The following NRXN3 variants were observed in gnomAD, a reference collection of about 807,000 sequenced individuals.
NRXN3 encodes neurexin 3.
A neutral mutation model predicts 137.6 loss-of-function variants in NRXN3; 32 were observed. The observed-to-expected ratio is 0.23, with a 90% CI of 0.18 to 0.31. The LOEUF is 0.31. NRXN3 is among the 10% of genes least tolerant of loss of function. The pLI is 1.00. For missense variants in NRXN3, 1,574 were observed against 2,062.5 expected (o/e 0.76, Z 4.59); for synonymous variants, 798 against 784.5 (o/e 1.02, Z -0.29).
intron 15 of NRXN3, among the ~76,000 whole-genome samples, chr14:79,208,402 T>C (rs1284638228): frequency 6.6e-6 from 1 of 152,186 alleles, no homozygotes; most frequent in Admixed American, 6.5e-5. Context: ...TACCCCAATT[T>C]TTTATTTTCT....
At chr14:78,814,664 G>T (rs886477344) in intron 10 of NRXN3, among the ~76,000 whole-genome samples, 1 of 152,090 alleles carries the variant, frequency 6.6e-6, no homozygotes, top group Non-Finnish European at 1.5e-5. Flanking sequence ...GTTTTCTGGA[G>T]AATTTCTGGA....
At chr14:78,895,699 C>T (rs2099171492) in intron 10 of NRXN3, among the ~76,000 whole-genome samples, 1 of 151,920 alleles carries the variant, frequency 6.6e-6, no homozygotes, top group East Asian at 1.9e-4. Flanking sequence ...TTAATCATTT[C>T]TAGCTTTTGA....
intron 11 of NRXN3, among the ~76,000 whole-genome samples, chr14:78,959,483 G>A (rs551171991): frequency 6.6e-6 from 1 of 152,168 alleles, no homozygotes; most frequent in Non-Finnish European, 1.5e-5. Flanking sequence ...AGTGAGGTAG[G>A]GAATGCATTA....
intron 10 of NRXN3, among the ~76,000 whole-genome samples, chr14:78,866,655 G>C (rs1409391175): frequency 6.6e-6 from 1 of 151,650 alleles, no homozygotes; most frequent in African/African-American, 2.4e-5. Context: ...ACCTATCATA[G>C]CTTCCAAAAT....
chr14:78,400,531 T>C (rs573346293), intron 4 of NRXN3, among the ~76,000 whole-genome samples: 2 of 152,286 alleles, frequency 1.3e-5, no homozygotes, highest in African/African-American at 4.8e-5. Context: ...ACCGCAAAAA[T>C]ACATGGGCCT....
chr14:79,027,291 C>T (rs550002506), intron 15 of NRXN3, among the ~76,000 whole-genome samples: 19 of 151,936 alleles, frequency 1.3e-4, no homozygotes, highest in African/African-American at 3.6e-4. Flanking sequence ...TAGACTCTCT[C>T]GGTCAATGTC....
At chr14:79,418,960 C>A (rs2095536819) in intron 15 of NRXN3, among the ~76,000 whole-genome samples, 1 of 152,122 alleles carries the variant, frequency 6.6e-6, no homozygotes, top group Admixed American at 6.6e-5. Flanking sequence ...AAAAAAGAAA[C>A]AAGAAGTATA....
intron 17 of NRXN3, among the ~76,000 whole-genome samples, chr14:79,664,506 G>A (rs2098548861): frequency 6.6e-6 from 1 of 152,114 alleles, no homozygotes; most frequent in Non-Finnish European, 1.5e-5. Context: ...AAGCCTGCCT[G>A]GATATTCAAA....
chr14:79,370,537 C>T (rs569873555), intron 15 of NRXN3, among the ~76,000 whole-genome samples: 8 of 151,918 alleles, frequency 5.3e-5, no homozygotes, highest in South Asian at 2.1e-4. Context: ...AGGCTGGTCT[C>T]GAACTCCTGA....
chr14:78,297,388 T>C (rs902788069), intron 3 of NRXN3, among the ~76,000 whole-genome samples: 1 of 152,242 alleles, frequency 6.6e-6, no homozygotes, highest in African/African-American at 2.4e-5. Flanking sequence ...TGATGATTTT[T>C]CCCAAGTTTC....
chr14:78,944,979 C>G (rs2099362350), intron 10 of NRXN3, among the ~76,000 whole-genome samples: 1 of 152,200 alleles, frequency 6.6e-6, no homozygotes, highest in Non-Finnish European at 1.5e-5. Context: ...GTGAGAACCA[C>G]TGGCCTAAAT....
At chr14:79,066,468 T>G (rs1303106428) in intron 15 of NRXN3, among the ~76,000 whole-genome samples, 1 of 152,128 alleles carries the variant, frequency 6.6e-6, no homozygotes, top group African/African-American at 2.4e-5. Context: ...ACTTGGCTAT[T>G]CAGGCTCTTT....
At chr14:79,709,670 G>A (rs374209082) in intron 19 of NRXN3, among the ~76,000 whole-genome samples, 5 of 151,818 alleles carry the variant, frequency 3.3e-5, no homozygotes, top group Non-Finnish European at 5.9e-5. Context: ...TTCTCCTCCC[G>A]GATACTGAGA....
intron 10 of NRXN3, among the ~76,000 whole-genome samples, chr14:78,944,808 T>A (rs1003114646): frequency 2.6e-5 from 4 of 152,180 alleles, no homozygotes; most frequent in African/African-American, 7.2e-5. Context: ...TGCTACAGCA[T>A]CCCTAGGAAA....
intron 15 of NRXN3, among the ~76,000 whole-genome samples, chr14:79,202,301 A>T (rs1211644425): frequency 2.0e-5 from 3 of 152,096 alleles, no homozygotes; most frequent in Non-Finnish European, 4.4e-5. Context: ...TCCATACCTG[A>T]GAAAATAAGG....
rs57469863 is a variant in NRXN3, at chr14:78,234,994, T to TTATATATATATATA, written c.-703-7381_-703-7368dup. ...GATTATCTGGCAGCCACAAATGCTT[T>TTATATATATATATA]TATATATATATATATATATATATAT... On this transcript the variant is annotated intron_variant, in intron 1 of 20. Coordinates refer to ENST00000335750, the MANE Select transcript of NRXN3 (RefSeq NM_001330195.2). Among the ~76,000 whole-genome samples, 166 of 108,788 alleles carry TTATATATATATATA rather than the reference T, an allele frequency of 1.5e-3. 1 individual carries two copies. The highest frequency in any genetic ancestry group is 5.1e-3 in the African/African-American group (154 of 30,484). The allele number at this position is 108,788 out of a possible 152,430, so 71.4% of individuals were successfully genotyped here.
intron 4 of NRXN3, among the ~76,000 whole-genome samples, chr14:78,604,304 T>A (rs1273734346): frequency 2.0e-5 from 1 of 49,544 alleles, no homozygotes; most frequent in African/African-American, 3.2e-4. Context: ...GGTCATTTGT[T>A]TTTTTTTTTT....
At chr14:79,101,922 G>T (rs1450735766) in intron 15 of NRXN3, among the ~76,000 whole-genome samples, 3 of 152,250 alleles carry the variant, frequency 2.0e-5, no homozygotes, top group Admixed American at 6.5e-5. Context: ...GCCATGAGAA[G>T]ATATGGACAC....
At chr14:79,569,712 G>A (rs2097581838) in intron 16 of NRXN3, among the ~76,000 whole-genome samples, 1 of 151,886 alleles carries the variant, frequency 6.6e-6, no homozygotes, top group Admixed American at 6.6e-5. Flanking sequence ...GGGTTCAAGT[G>A]ATTCTCATGC....
Sources: allele counts gnomAD v4.1 joint callset (sites outside exome capture counted in the v4.1 genomes callset), GRCh38; gene constraint gnomAD v4.1.1; transcripts MANE v1.5; gene names NCBI Gene and HGNC (gene_info 2026-07-23, HGNC 2026-07-21).